Variants in CHD6 observed in about 807,000 individuals in gnomAD.
CHD6 encodes ATP-dependent chromatin remodeler CHD6.
Under a neutral mutation model 276.9 loss-of-function variants are expected in CHD6, and 50 were observed. The observed-to-expected ratio is 0.18, with a 90% CI of 0.14 to 0.23. The LOEUF (loss-of-function observed/expected upper bound fraction) is 0.23. Among genes scored for constraint, CHD6 ranks in the 10% least tolerant of loss-of-function variants. The pLI is 1.00. For missense variants in CHD6, 2,564 were observed against 3,365.8 expected, an observed-to-expected ratio of 0.76 and a Z score of 5.89; for synonymous variants, 1,173 against 1,229.3, an observed-to-expected ratio of 0.95 and a Z score of 0.96.
intron 2 of CHD6, among the ~76,000 whole-genome samples, chr20:41,534,317 T>C (rs2044770731): frequency 6.6e-6 from 1 of 152,188 alleles, no homozygotes; most frequent in African/African-American, 2.4e-5. Context: ...GCACCATTTG[T>C]GAGGAACCTG....
At chr20:41,542,304 G>C (rs1388196929) in intron 2 of CHD6, among the ~76,000 whole-genome samples, 2 of 152,156 alleles carry the variant, frequency 1.3e-5, no homozygotes, top group Non-Finnish European at 2.9e-5. Context: ...TTTTACAGTA[G>C]CTTTGGGCTA....
chr20:41,563,969 A>G (rs2045328535), intron 1 of CHD6: 1 of 749,494 alleles, frequency 1.3e-6, no homozygotes, highest in Non-Finnish European at 2.5e-6. Context: ...AGAACTTTTC[A>G]CTCATTACAT....
At position 41,413,328 on chromosome 20, in the gene CHD6, C is replaced by T; in HGVS notation, c.7127G>A (p.Gly2376Glu). ...GCAGTACCAACAAACACTTACTGCC[C>T]CAAAGCCAGGAACTTCTAAGGAGTA... ...ADYSLEVPGF[G>E]ANFSDKPKQR... is the part of the protein sequence containing the mutation. Residue 2376 changes from glycine (G) to glutamate (E), a missense_variant, in exon 35 of 37, where the codon GGG becomes GAG. By Grantham distance (98) the Gly-to-Glu change is moderately conservative. Transcript: ENST00000373233. 6.3e-7 allele frequency: 1 copy of T among 1,597,792 alleles called. No homozygotes were observed. The highest frequency in any genetic ancestry group is 8.5e-7 in the Non-Finnish European group (1 of 1,171,484).
At chr20:41,592,739 G>A (rs2045676978) in intron 1 of CHD6, among the ~76,000 whole-genome samples, 1 of 152,148 alleles carries the variant, frequency 6.6e-6, no homozygotes, top group Non-Finnish European at 1.5e-5. Context: ...AACAGCACTG[G>A]CATTAGCAGG....
intron 36 of CHD6, among the ~76,000 whole-genome samples, chr20:41,408,068 A>G (rs1032871971): frequency 3.3e-5 from 5 of 152,200 alleles, no homozygotes; most frequent in Admixed American, 1.3e-4. Flanking sequence ...TATTAAAAAA[A>G]TAAAAAATAA....
chr20:41,478,595 G>A (rs997211194), intron 16 of CHD6, among the ~76,000 whole-genome samples: 1 of 152,156 alleles, frequency 6.6e-6, no homozygotes. Flanking sequence ...CCAGAAAGCA[G>A]AGAAATAGAG....
Position 41,447,886 on chromosome 20 carries a change from C to T in CHD6, c.3769G>A (p.Ala1257Thr). Residue 1257 changes from alanine to threonine, a missense_variant, in exon 24 of 37, where the codon GCC becomes ACC. Coordinates refer to ENST00000373233, the MANE Select transcript of CHD6 (RefSeq NM_032221.5). ...GTTAAGTTTCATTTGCTTTACCTGG[C>T]AGGAGATCCTTCAAATGCTTTCTCA... ...AAEKAFEGSP[A>T]RELDVPLPDI... 6.2e-7 allele frequency: 1 copy of T among 1,605,480 alleles called. No individual in the cohort carries two copies. The highest frequency in any genetic ancestry group is 2.2e-5 in the East Asian group (1 of 44,678).
chr20:41,591,922 A>G (rs180805720), intron 1 of CHD6, among the ~76,000 whole-genome samples: 1 of 152,112 alleles, frequency 6.6e-6, no homozygotes, highest in East Asian at 1.9e-4. Flanking sequence ...AGACAGTGAA[A>G]CCCCGTCTCT....
intron 1 of CHD6, among the ~76,000 whole-genome samples, chr20:41,590,645 C>G (rs539028130): frequency 4.4e-4 from 67 of 152,254 alleles, no homozygotes; most frequent in African/African-American, 1.5e-3. Flanking sequence ...AAATGCAAAT[C>G]AAAACCACAA....
At chr20:41,511,609 T>G (rs970783848) in intron 5 of CHD6, among the ~76,000 whole-genome samples, 1 of 152,100 alleles carries the variant, frequency 6.6e-6, no homozygotes, top group Non-Finnish European at 1.5e-5. Flanking sequence ...ACTAAAAACC[T>G]TAGGTGATAC....
At chr20:41,538,164 A>G (rs1223710665) in intron 2 of CHD6, among the ~76,000 whole-genome samples, 2 of 152,166 alleles carry the variant, frequency 1.3e-5, no homozygotes, top group Non-Finnish European at 2.9e-5. Context: ...CAGCCAGGCC[A>G]ACATGGTGAA....
At chr20:41,584,823 T>C (rs942529077) in intron 1 of CHD6, among the ~76,000 whole-genome samples, 1 of 152,164 alleles carries the variant, frequency 6.6e-6, no homozygotes, top group Non-Finnish European at 1.5e-5. Context: ...GACAAAAGTT[T>C]ATAGCATTAA....
chr20:41,403,033 T>G lies in CHD6; in HGVS notation c.*1560A>C. On this transcript the variant is annotated 3_prime_UTR_variant, in exon 37 of 37. Transcript: ENST00000373233. Reference sequence around the variant, plus strand: ...GATTTAACAGACTTCTTTGAGATGCTCATTTTAACATTTACATAATTTATA... The same window carrying G: ...GATTTAACAGACTTCTTTGAGATGCGCATTTTAACATTTACATAATTTATA... The G allele has an allele frequency of 4.7e-6, 1 of 214,118 alleles. No individual in the cohort carries two copies. The highest frequency in any genetic ancestry group is 9.4e-6 in the Non-Finnish European group (1 of 106,314). 13.3% of individuals were successfully genotyped at this position (214,118 alleles called of 1,614,324 possible).
chr20:41,607,815 A>G (rs1188486457), intron 1 of CHD6, among the ~76,000 whole-genome samples: 1 of 152,130 alleles, frequency 6.6e-6, no homozygotes, highest in African/African-American at 2.4e-5. Flanking sequence ...GCTTTAAAGC[A>G]AAGGTTTACT....
intron 3 of CHD6, among the ~76,000 whole-genome samples, chr20:41,524,339 C>T (rs985788930): frequency 6.6e-6 from 1 of 152,094 alleles, no homozygotes; most frequent in African/African-American, 2.4e-5. Context: ...ATATAATCTG[C>T]TGTAGATAAA....
rs2047329248 is a variant in CHD6, at chr20:41,425,371, T to C, written c.4153A>G (p.Lys1385Glu). The C allele has an allele frequency of 6.2e-7, 1 of 1,614,006 alleles. No homozygotes were observed. The highest frequency in any genetic ancestry group is 1.7e-5 in the Admixed American group (1 of 60,000). ...GCGGAGGAAACTGGCCAGGGCGATT[T>C]GTCTGGGTCGGAGCCATCCTGGGCT... is the stretch of plus-strand genomic sequence containing the variant. Reference protein sequence around the residue: ...RAAQDGSDPDKSPWPVSSALT... With the variant: ...RAAQDGSDPDESPWPVSSALT... Residue 1385 changes from lysine to glutamate, a missense_variant, in exon 29 of 37, where the codon AAA becomes GAA. This residue lies in a region of CHD6 where 515 missense variants were observed against 739.5 expected (regional missense o/e 0.70). Coordinates refer to ENST00000373233, the MANE Select transcript of CHD6 (RefSeq NM_032221.5).
chr20:41,541,274 T>C (rs1286559675), intron 2 of CHD6, among the ~76,000 whole-genome samples: 1 of 152,230 alleles, frequency 6.6e-6, no homozygotes, highest in African/African-American at 2.4e-5. Context: ...TATGATGGGT[T>C]TGTCAGGACA....
Position 41,440,035 on chromosome 20 carries a change from C to A in CHD6, c.3972G>T (p.Gln1324His). The change falls in exon 26 of 37, where the codon CAG (glutamine) becomes CAT (histidine). Residue 1324 changes from glutamine to histidine, a missense_variant. Gln to His is a conservative substitution (Grantham distance 24, BLOSUM62 0). Around this residue, in one of 7 missense-constraint regions of CHD6, gnomAD observed 515 missense variants for 739.5 expected, o/e 0.70. Coordinates refer to ENST00000373233, the MANE Select transcript of CHD6 (RefSeq NM_032221.5). ...TGTCTGAGGTCCCATCTGTAACACCCTGTTCTGCAGAAAGGGACTTCTCAT... is the reference window on the plus strand; with the variant it reads ...TGTCTGAGGTCCCATCTGTAACACCATGTTCTGCAGAAAGGGACTTCTCAT... ...MPDEKSLSAE[Q>H]GVTDGTSDIP... The A allele has an allele frequency of 6.2e-7, 1 of 1,614,084 alleles. No homozygotes were observed. The highest frequency in any genetic ancestry group is 1.7e-5 in the Admixed American group (1 of 60,014).
chr20:41,457,085 C>T (rs991679794), intron 18 of CHD6, among the ~76,000 whole-genome samples, 179 bp downstream of exon 18: 2 of 152,182 alleles, frequency 1.3e-5, no homozygotes, highest in African/African-American at 4.8e-5. Context: ...TTTAACCACC[C>T]AGAAAACACA....
Sources: allele counts gnomAD v4.1 joint callset (sites outside exome capture counted in the v4.1 genomes callset), GRCh38; gene constraint gnomAD v4.1.1; regional missense constraint gnomAD v4.1.1; transcripts MANE v1.5; gene names NCBI Gene and HGNC (gene_info 2026-07-23, HGNC 2026-07-21).